The following RFX6 variants were observed in gnomAD, a reference collection of about 807,000 sequenced individuals.
The protein encoded by RFX6 is regulatory factor X6, also known as DNA-binding protein RFX6.
RFX6 carries 50 observed loss-of-function variants against 110.8 expected under a neutral mutation model. The ratio of observed to expected loss-of-function variants is 0.45; its 90% CI spans 0.36 to 0.57. RFX6 has a LOEUF of 0.57. RFX6 is among the 20% of genes least tolerant of loss of function. RFX6 has a pLI of 0.00. For missense variants in RFX6, 990 were observed against 1,127.0 expected, an observed-to-expected ratio of 0.88 and a Z score of 1.74; for synonymous variants, 383 against 411.2, an observed-to-expected ratio of 0.93 and a Z score of 0.83.
At position 116,911,043 on chromosome 6, in the gene RFX6, G is replaced by A. The variant is rs1007839411; in HGVS notation, c.780+1G>A. 1 of 1,579,728 alleles carries A rather than the reference G, an allele frequency of 6.3e-7. No individual in the cohort carries two copies. The highest frequency in any genetic ancestry group is 8.7e-7 in the Non-Finnish European group (1 of 1,148,856). ...CCAAGGATGCATTTCTAAGGACAAGGTATCAATTACAGATACTTCTCTATT... is the reference window on the plus strand; with the variant it reads ...CCAAGGATGCATTTCTAAGGACAAGATATCAATTACAGATACTTCTCTATT... On this transcript the variant is annotated splice_donor_variant, in intron 7 of 18. Coordinates refer to ENST00000332958, the MANE Select transcript of RFX6 (RefSeq NM_173560.4). LOFTEE classifies it high-confidence loss of function.
intron 6 of RFX6, among the ~76,000 whole-genome samples, chr6:116,898,403 C>T (rs1371098001): frequency 2.6e-5 from 4 of 152,110 alleles, no homozygotes; most frequent in African/African-American, 9.7e-5. Flanking sequence ...AATCTTGACT[C>T]ACTGCAGCCT....
At chr6:116,912,821 GTTCATA>G (rs1313287167) in intron 7 of RFX6, among the ~76,000 whole-genome samples, 3 of 149,526 alleles carry the variant, frequency 2.0e-5, no homozygotes, top group African/African-American at 7.5e-5. Flanking sequence ...CTCCAAGGAA[GTTCATA>G]CCTGCCAATT....
At position 116,877,496 on chromosome 6, in the gene RFX6, C is replaced by T. The variant is rs1450645156; in HGVS notation, c.221C>T (p.Ser74Leu). 1.3e-6 allele frequency: 2 copies of T among 1,553,924 alleles called. No homozygotes were observed. Among genetic ancestry groups the T allele is most frequent in the South Asian group, 1.2e-5 (1 of 84,134 alleles). The change falls in exon 1 of 19, where the codon TCA becomes TTA. Residue 74 changes from serine (S) to leucine (L), a missense_variant and splice_region_variant. By Grantham distance (145) the Ser-to-Leu change is moderately radical. Transcript: ENST00000332958. The part of the protein sequence containing the change: ...EDPELPGAVK[S>L]EMHLNNGNFS... ...CCGGAGCTGCCGGGGGCAGTGAAATCAGGTGAGTGCTCTGCCGCATCCGGA... is the reference window on the plus strand; with the variant it reads ...CCGGAGCTGCCGGGGGCAGTGAAATTAGGTGAGTGCTCTGCCGCATCCGGA...
rs183936988 is a variant in RFX6, at chr6:116,929,238, T to C, written c.2611+267T>C. ...AAAAATAGCTGGTATCTATTAAGTA[T>C]GCAAAAGATTAATATGACCTGTCAA... is the stretch of plus-strand genomic sequence containing the variant. On this transcript the variant is annotated intron_variant, in intron 18 of 18. Transcript: ENST00000332958. Among the ~76,000 whole-genome samples the C allele has an allele frequency of 1.1e-3, 163 of 152,330 alleles. 1 individual carries two copies. The highest frequency in any genetic ancestry group is 3.8e-4 in the Non-Finnish European group (26 of 68,024).
rs1346674005 is a variant in RFX6, at chr6:116,877,517, C to G, written c.223+19C>G. 3 of 1,534,828 alleles carry G rather than the reference C, an allele frequency of 2.0e-6. No individual in the cohort carries two copies. Among genetic ancestry groups the G allele is most frequent in the East Asian group, 2.4e-5 (1 of 40,986 alleles). On this transcript the variant is annotated intron_variant, in intron 1 of 18. Coordinates refer to ENST00000332958, the MANE Select transcript of RFX6 (RefSeq NM_173560.4). ...AAATCAGGTGAGTGCTCTGCCGCAT[C>G]CGGAGCTGGGAAGGGGACGGGGACG...
In RFX6 at chr6:116,900,989, C is replaced by G. The variant is rs1311863267; in HGVS notation, c.672+5782C>G. Among the ~76,000 whole-genome samples, 4 of 151,898 alleles carry G rather than the reference C, an allele frequency of 2.6e-5. No homozygotes were observed. In the East Asian group the frequency reaches 7.7e-4, roughly 29 times the overall value. On this transcript the variant is annotated intron_variant, in intron 6 of 18. Coordinates refer to ENST00000332958, the MANE Select transcript of RFX6 (RefSeq NM_173560.4). ...TGATGGTGTGAAAGGGATGCGCATT[C>G]AGTAGAAACTGTACTTCGAGTACCC...
chr6:116,879,973 T>C (rs947322244), intron 2 of RFX6, among the ~76,000 whole-genome samples: 1 of 152,072 alleles, frequency 6.6e-6, no homozygotes, highest in African/African-American at 2.4e-5. Context: ...ATAATTATAG[T>C]ACTGATGACA....
intron 6 of RFX6, among the ~76,000 whole-genome samples, chr6:116,901,928 A>T (rs1208022229): frequency 6.6e-6 from 1 of 152,156 alleles, no homozygotes; most frequent in Non-Finnish European, 1.5e-5. Flanking sequence ...ATACTCGAAA[A>T]TAATCAAAGT....
chr6:116,906,860 GT>G (rs34715737), intron 6 of RFX6, among the ~76,000 whole-genome samples: 49,045 of 136,988 alleles, frequency 0.36, 8,618 homozygotes, highest in East Asian at 0.5. Context: ...GTGTTTTTTT[GT>G]TTTTTTTTTT....
chr6:116,877,644 C>A, intron 1 of RFX6, 146 bp downstream of exon 1: 1 of 1,044,092 alleles, frequency 9.6e-7, no homozygotes. Context: ...AGTAAAATGT[C>A]AAGTAGAGAC....
intron 7 of RFX6, among the ~76,000 whole-genome samples, chr6:116,913,396 C>G (rs1360434860): frequency 6.6e-6 from 1 of 152,178 alleles, no homozygotes; most frequent in Non-Finnish European, 1.5e-5. Flanking sequence ...AGAATGGAAA[C>G]TGCCCAGTGA....
chr6:116,927,786 C>G (rs1278161247), intron 17 of RFX6, among the ~76,000 whole-genome samples: 10 of 136,002 alleles, frequency 7.4e-5, no homozygotes, highest in Non-Finnish European at 1.4e-4. Flanking sequence ...ATGCTGTAGC[C>G]CAGGCTGGAG....
At chr6:116,894,972 A>G (rs1261476081) in intron 5 of RFX6, among the ~76,000 whole-genome samples, 1 of 152,126 alleles carries the variant, frequency 6.6e-6, no homozygotes, top group Non-Finnish European at 1.5e-5. Flanking sequence ...GCTTTTAAAA[A>G]TATTATTCAT....
intron 6 of RFX6, among the ~76,000 whole-genome samples, chr6:116,900,482 T>C (rs1775044188): frequency 6.6e-6 from 1 of 152,182 alleles, no homozygotes; most frequent in Non-Finnish European, 1.5e-5. Flanking sequence ...CTTGAACTCC[T>C]GACCTCAGGT....
In RFX6 at chr6:116,916,214, T is replaced by C. The variant is rs1287138440; in HGVS notation, c.872T>C (p.Leu291Ser). 6.2e-7 allele frequency: 1 copy of C among 1,612,610 alleles called. No individual in the cohort carries two copies. The highest frequency in any genetic ancestry group is 1.3e-5 in the African/African-American group (1 of 74,954). ...CTCTGCAACTAGATCCAGCATTTTT[T>C]ATTACACTTTTGGCAAGGAATGCCT... ...NGNFEEIQHFLLHFWQGMPDH... is the reference protein window; with the variant it reads ...NGNFEEIQHFSLHFWQGMPDH... Residue 291 changes from leucine (L) to serine (S), a missense_variant, in exon 9 of 19, where the codon TTA becomes TCA. By Grantham distance (145) the Leu-to-Ser change is moderately radical. Transcript: ENST00000332958.
intron 6 of RFX6, among the ~76,000 whole-genome samples, chr6:116,904,404 A>G (rs140382670): frequency 0.011 from 1,690 of 152,150 alleles, 29 homozygotes; most frequent in Admixed American, 0.041. Flanking sequence ...AAATTTGTGT[A>G]TATTCCAAGA....
chr6:116,919,679 T>C (rs1775550872), intron 11 of RFX6, among the ~76,000 whole-genome samples: 1 of 152,212 alleles, frequency 6.6e-6, no homozygotes, highest in African/African-American at 2.4e-5. Context: ...GTGAATCTAA[T>C]TGGTACAAAT....
At chr6:116,888,141 T>C in intron 4 of RFX6, among the ~76,000 whole-genome samples, 1 of 152,200 alleles carries the variant, frequency 6.6e-6, no homozygotes, top group East Asian at 1.9e-4. Context: ...TTATCATTTG[T>C]GTAGTGTAAA....
At chr6:116,890,107 T>G (rs978784493) in intron 4 of RFX6, among the ~76,000 whole-genome samples, 1 of 152,078 alleles carries the variant, frequency 6.6e-6, no homozygotes, top group African/African-American at 2.4e-5. Context: ...TAATTGTAAA[T>G]AAAATTGCAA....
Sources: gnomAD v4.1 joint callset for allele counts (sites outside exome capture counted in the v4.1 genomes callset) on GRCh38, gnomAD v4.1.1 for gene constraint, MANE v1.5 for transcripts, NCBI Gene and HGNC (gene_info 2026-07-23, HGNC 2026-07-21) for gene names.